The following PPP1R16A variants were observed in gnomAD, a reference collection of about 807,000 sequenced individuals.
The protein encoded by PPP1R16A is myosin phosphatase-targeting subunit 3.
PPP1R16A carries 39 observed loss-of-function variants against 46.6 expected under a neutral mutation model. That is an observed-to-expected ratio of 0.84 (90% CI 0.65 to 1.09). The LOEUF is 1.09. Ranked by LOEUF, PPP1R16A falls within the 50% of genes least tolerant of loss-of-function variation. The pLI, the probability that PPP1R16A is intolerant of heterozygous loss-of-function variation, is 0.00. For missense variants in PPP1R16A, 798 were observed against 735.6 expected, an observed-to-expected ratio of 1.08 and a Z score of -0.98; for synonymous variants, 413 against 321.5, an observed-to-expected ratio of 1.28 and a Z score of -3.04.
intron 2 of PPP1R16A, among the ~76,000 whole-genome samples, chr8:144,491,637 C>T (rs950644650): frequency 6.6e-6 from 1 of 152,120 alleles, no homozygotes; most frequent in African/African-American, 2.4e-5. Flanking sequence ...GTGGCAGGCG[C>T]CTGTAGTTCC....
At chr8:144,488,019 C>T (rs1459116280) in intron 1 of PPP1R16A, among the ~76,000 whole-genome samples, 1 of 152,214 alleles carries the variant, frequency 6.6e-6, no homozygotes, top group Non-Finnish European at 1.5e-5. Flanking sequence ...TTACTCTGTA[C>T]ATCTTTTGTT....
At chr8:144,489,032 G>A (rs1441768243) in intron 1 of PPP1R16A, among the ~76,000 whole-genome samples, 2 of 150,906 alleles carry the variant, frequency 1.3e-5, no homozygotes, top group South Asian at 2.1e-4. Flanking sequence ...GGTGAAACCC[G>A]CTCTCTACTA....
At chr8:144,494,323 T>C (rs1825949142) in intron 2 of PPP1R16A, among the ~76,000 whole-genome samples, 1 of 149,448 alleles carries the variant, frequency 6.7e-6, no homozygotes, top group South Asian at 2.1e-4. Context: ...CTGTTAAATC[T>C]TTTTTTTTGA....
rs983022079 is a variant in PPP1R16A, at chr8:144,500,738, C to T, written c.884C>T (p.Ser295Phe). Residue 295 changes from serine to phenylalanine, a missense_variant, in exon 9 of 12, where the codon TCC becomes TTC. Transcript: ENST00000435887. Reference protein sequence around the residue: ...VAHGADLNAKSLMDETPLDVC... With the variant: ...VAHGADLNAKFLMDETPLDVC... ...CACGGGGCCGACCTGAACGCAAAGTCCCTGATGGACGAGACGCCCCTTGGT... is the reference window on the plus strand; with the variant it reads ...CACGGGGCCGACCTGAACGCAAAGTTCCTGATGGACGAGACGCCCCTTGGT... The T allele has an allele frequency of 1.9e-6, 3 of 1,611,900 alleles. No homozygotes were observed. The highest frequency in any genetic ancestry group is 4.5e-5 in the East Asian group (2 of 44,872).
At chr8:144,489,590 G>C (rs957249868) in intron 1 of PPP1R16A, among the ~76,000 whole-genome samples, 4 of 152,110 alleles carry the variant, frequency 2.6e-5, no homozygotes, top group Admixed American at 1.3e-4. Context: ...CCCTCCCAGA[G>C]CTTCATGTGG....
chr8:144,499,023 C>T lies in PPP1R16A; in HGVS notation c.438C>T (p.Thr146=), dbSNP rs772766499. ...GGACGCCTCTGCATGCTGCGGCCAC[C>T]TGCGGCCACCTGCACCTGGTGGAGC... The part of the protein sequence containing the change: ...ECWTPLHAAA[T]CGHLHLVELL... The change falls in exon 5 of 12, where the codon ACC becomes ACT. Residue 146 remains threonine, a synonymous_variant. Coordinates refer to ENST00000435887, the MANE Select transcript of PPP1R16A (RefSeq NM_001329443.2). 10 of 1,589,950 alleles carry T rather than the reference C, an allele frequency of 6.3e-6. No homozygotes were observed. The Admixed American group carries it at 1.7e-4, about 27-fold the overall frequency.
chr8:144,495,235 G>A (rs538804887), intron 2 of PPP1R16A, among the ~76,000 whole-genome samples: 1 of 152,284 alleles, frequency 6.6e-6, no homozygotes, highest in African/African-American at 2.4e-5. Context: ...CCCCTGAGCA[G>A]GAAGGACCTG....
intron 1 of PPP1R16A, among the ~76,000 whole-genome samples, chr8:144,482,375 T>C (rs895323884): frequency 5.3e-5 from 8 of 151,994 alleles, no homozygotes; most frequent in Admixed American, 4.6e-4. Context: ...AGTTTTCTTA[T>C]TTTTTATTTT....
At chr8:144,483,157 T>TA (rs1227119259) in intron 1 of PPP1R16A, among the ~76,000 whole-genome samples, 1 of 152,234 alleles carries the variant, frequency 6.6e-6, no homozygotes, top group Non-Finnish European at 1.5e-5. Context: ...CTGACAGAGT[T>TA]ACGTTCTGTT....
Position 144,498,646 on chromosome 8 carries a change from TG to T in PPP1R16A, c.260-122del, listed in dbSNP as rs1586757358. The stretch of plus-strand genomic sequence containing the variant: ...TGCTTCTGCCCCCACCCCTGGGCTC[TG>T]GTGTGCCTCCTGCCATCGGCACCAC... On this transcript the variant is annotated intron_variant, in intron 3 of 11. Coordinates refer to ENST00000435887, the MANE Select transcript of PPP1R16A (RefSeq NM_001329443.2). 4 of 937,180 alleles carry T rather than the reference TG, an allele frequency of 4.3e-6. No homozygotes were observed. The East Asian group carries it at 1.1e-4, about 25-fold the overall frequency. The allele number at this position is 937,180 out of a possible 1,614,324, so 58.1% of individuals were successfully genotyped here.
intron 3 of PPP1R16A, 155 bp from the exon 4 acceptor site, chr8:144,498,615 G>A (rs1826223278): frequency 2.9e-6 from 2 of 693,288 alleles, no homozygotes; most frequent in Non-Finnish European, 4.7e-6. Context: ...CCAGACAGAT[G>A]CCTGGTGCTT....
chr8:144,494,192 G>A lies in PPP1R16A; in HGVS notation c.-734-2269G>A, dbSNP rs115919386. 4.2e-3 allele frequency among the ~76,000 whole-genome samples: 642 copies of A among 152,174 alleles called. 4 individuals are homozygous for A. The highest frequency in any genetic ancestry group is 0.015 in the African/African-American group (618 of 41,528). On this transcript the variant is annotated intron_variant, in intron 2 of 11. Coordinates refer to ENST00000435887, the MANE Select transcript of PPP1R16A (RefSeq NM_001329443.2). ...TCGCTGTATTGCCCAGGCTGGTCTC[G>A]AACTCTTGGGCTCAAGCGACCAGCC...
At chr8:144,501,431 T>G (rs1456288963) in intron 11 of PPP1R16A, 89 bp from the exon 12 acceptor site, 8 of 1,480,810 alleles carry the variant, frequency 5.4e-6, no homozygotes, top group African/African-American at 1.4e-5. Context: ...ATCTCTCCTG[T>G]CTGTCCCTTC....
chr8:144,492,675 C>T lies in PPP1R16A; in HGVS notation c.-735+2463C>T, dbSNP rs368100962. On this transcript the variant is annotated intron_variant, in intron 2 of 11. Transcript: ENST00000435887. ...GGAGGTGCACCTTACTGAGGTGCAC[C>T]GTACACACATCCCTGTGAAAGGGGA... 4.1e-4 allele frequency among the ~76,000 whole-genome samples: 62 copies of T among 152,154 alleles called. No homozygotes were observed. In the South Asian group the frequency reaches 0.012, roughly 29 times the overall value.
chr8:144,498,935 G>A lies in PPP1R16A; in HGVS notation c.350G>A (p.Arg117Gln), dbSNP rs372285262. 111 of 1,612,676 alleles carry A rather than the reference G, an allele frequency of 6.9e-5. No individual in the cohort carries two copies. Among genetic ancestry groups the A allele is most frequent in the Non-Finnish European group, 8.6e-5 (101 of 1,179,920 alleles). Residue 117 changes from arginine (R) to glutamine (Q), a missense_variant, in exon 5 of 12, where the codon CGA becomes CAA. Coordinates refer to ENST00000435887, the MANE Select transcript of PPP1R16A (RefSeq NM_001329443.2). ...ALHQCCIDDF[R>Q]EMVQQLLEAG... ...TTGCAGTGCTGCATTGATGATTTCCGAGAGATGGTGCAGCAGCTCCTGGAG... is the reference window on the plus strand; with the variant it reads ...TTGCAGTGCTGCATTGATGATTTCCAAGAGATGGTGCAGCAGCTCCTGGAG...
chr8:144,479,986 ACTGGC>A (rs1825338666), intron 1 of PPP1R16A, among the ~76,000 whole-genome samples: 1 of 152,224 alleles, frequency 6.6e-6, no homozygotes, highest in Admixed American at 6.5e-5. Flanking sequence ...TGAGTCAGGA[ACTGGC>A]CAAGTTCTTA....
Position 144,493,988 on chromosome 8 carries a change from C to T in PPP1R16A, c.-734-2473C>T, listed in dbSNP as rs1167097716. On this transcript the variant is annotated intron_variant, in intron 2 of 11. Transcript: ENST00000435887. The surrounding 1 kb of genome is among the most constrained non-coding windows in gnomAD (Gnocchi z 4.3). ...CAGCTGCTGTTCTCTGATGAATTTT[C>T]ACGGATGTGCCTCGGAATGAGAAAC... Among the ~76,000 whole-genome samples the T allele has an allele frequency of 1.3e-5, 2 of 152,128 alleles. No homozygotes were observed. Among genetic ancestry groups the T allele is most frequent in the Non-Finnish European group, 2.9e-5 (2 of 67,978 alleles).
intron 2 of PPP1R16A, among the ~76,000 whole-genome samples, chr8:144,492,334 CTTTTTTT>C (rs5895821): frequency 1.5e-3 from 193 of 131,756 alleles, no homozygotes; most frequent in African/African-American, 4.9e-3. Flanking sequence ...AAAAGGTGTA[CTTTTTTT>C]TTTTTTTTTT....
intron 1 of PPP1R16A, among the ~76,000 whole-genome samples, chr8:144,479,903 G>C (rs1485533733): frequency 6.6e-6 from 1 of 152,216 alleles, no homozygotes; most frequent in African/African-American, 2.4e-5. Flanking sequence ...CACATCCTGT[G>C]CTGGGACCCC....
Sources: allele counts gnomAD v4.1 joint callset (sites outside exome capture counted in the v4.1 genomes callset), GRCh38; gene constraint gnomAD v4.1.1; non-coding constraint Gnocchi (gnomAD v3.1); transcripts MANE v1.5; gene names NCBI Gene and HGNC (gene_info 2026-07-23, HGNC 2026-07-21).